Variants in PRKAR1A observed in about 807,000 individuals in gnomAD.
PRKAR1A encodes cAMP-dependent protein kinase type I-alpha regulatory subunit.
Under a neutral mutation model 52.0 loss-of-function variants are expected in PRKAR1A, and 3 were observed. The observed-to-expected ratio is 0.06, with a 90% CI of 0.03 to 0.15. PRKAR1A has a LOEUF of 0.15. Among genes scored for constraint, PRKAR1A ranks in the 10% least tolerant of loss-of-function variants. The probability of loss-of-function intolerance (pLI) is 1.00; values close to 1 mark genes in which losing one functional copy is unlikely to be tolerated. For missense variants in PRKAR1A, 240 were observed against 477.4 expected (o/e 0.50, Z 4.63); for synonymous variants, 188 against 168.4 (o/e 1.12, Z -0.90).
At chr17:68,492,089 G>A in the PRKAR1A span, among the ~76,000 whole-genome samples, 88 of 152,326 alleles carry the variant, frequency 5.8e-4, 1 homozygote, top group African/African-American at 2.1e-3. Context: ...TGCAAAAGCC[G>A]CAGGCACATG....
At position 68,512,432 on chromosome 17, in the gene PRKAR1A, A is replaced by C. The variant is rs922225408; in HGVS notation, c.-123A>C. 2 of 152,890 alleles carry C rather than the reference A, an allele frequency of 1.3e-5. No individual in the cohort carries two copies. The highest frequency in any genetic ancestry group is 6.5e-5 in the Admixed American group (1 of 15,286). 9.5% of individuals were successfully genotyped at this position (152,890 alleles called of 1,614,324 possible). A position where few individuals can be genotyped will look rare whatever the true frequency, so the allele number is the denominator to read the frequency against. On this transcript the variant is annotated 5_prime_UTR_variant, in exon 1 of 11. Coordinates refer to ENST00000589228, the MANE Select transcript of PRKAR1A (RefSeq NM_002734.5). ...GCTGCGGCCAGGCCGTTTCCGGTGG[A>C]GCTGTCGCCTAGCCGCTATCGCAGA...
the PRKAR1A span, among the ~76,000 whole-genome samples, chr17:68,438,720 C>T: frequency 6.6e-6 from 1 of 152,190 alleles, no homozygotes; most frequent in East Asian, 1.9e-4. Context: ...CCTGTCTCAG[C>T]CTGCCAAGTA....
At chr17:68,528,100 G>A (rs1198812809) in intron 8 of PRKAR1A, among the ~76,000 whole-genome samples, 200 bp downstream of exon 8, 1 of 152,186 alleles carries the variant, frequency 6.6e-6, no homozygotes, top group African/African-American at 2.4e-5. Flanking sequence ...CCATCATTGA[G>A]TTGATTGGTT....
At chr17:68,536,243 C>T (rs2086093266), downstream of PRKAR1A, 1 of 454,142 alleles carries the variant, frequency 2.2e-6, no homozygotes, top group Non-Finnish European at 4.4e-6. Flanking sequence ...ATTCTATTCT[C>T]ATGCTTACAG....
At chr17:68,541,918 A>C in intron 11 of PRKAR1A, 2 of 1,530,306 alleles carry the variant, frequency 1.3e-6, no homozygotes, top group Non-Finnish European at 1.8e-6. Context: ...AGCTAGCAAC[A>C]AGTCCCTGGT....
chr17:68,475,953 ATGGCAATGTGATGTTGATTTTT>A, the PRKAR1A span, among the ~76,000 whole-genome samples: 1 of 152,160 alleles, frequency 6.6e-6, no homozygotes, highest in Admixed American at 6.5e-5. Context: ...TGCAGAGAAT[ATGGCAATGTGATGTTGATTTTT>A]TGGGGGGGTT....
In PRKAR1A at chr17:68,532,941, C is replaced by T; in HGVS notation, c.*2492C>T. 9.4e-7 allele frequency: 1 copy of T among 1,065,840 alleles called. No homozygotes were observed. Among genetic ancestry groups the T allele is most frequent in the Non-Finnish European group, 1.1e-6 (1 of 879,668 alleles). The allele number at this position is 1,065,840 out of a possible 1,614,324, so 66.0% of individuals were successfully genotyped here. A position where few individuals can be genotyped will look rare whatever the true frequency, so the allele number is the denominator to read the frequency against. On this transcript the variant is annotated 3_prime_UTR_variant, in exon 11 of 11. Transcript: ENST00000589228. Reference sequence around the variant, plus strand: ...TTTCAGTTTGTCAAAGAGTGGATCTCAAAATCTTGCTTAAAGGGTAATTGA... The same window carrying T: ...TTTCAGTTTGTCAAAGAGTGGATCTTAAAATCTTGCTTAAAGGGTAATTGA...
At chr17:68,479,578 C>G in the PRKAR1A span, among the ~76,000 whole-genome samples, 251 of 152,266 alleles carry the variant, frequency 1.6e-3, 1 homozygote, top group African/African-American at 5.6e-3. Flanking sequence ...TCCTCTATGA[C>G]TCTTAACTTT....
At position 68,543,649 on chromosome 17, in the gene PRKAR1A, G is replaced by A. The variant is rs139591838; in HGVS notation, c.974-7435G>A. ...CCTACCTGTCCAGATGGAAAGCTGC[G>A]ATCTCAGCATTGTGTCTCTGAAAGT... On this transcript the variant is annotated intron_variant, in intron 11 of 11. Coordinates refer to the PRKAR1A transcript ENST00000585981. 1.4e-4 allele frequency: 228 copies of A among 1,614,094 alleles called. No homozygotes were observed. Among genetic ancestry groups the A allele is most frequent in the Non-Finnish European group, 1.8e-4 (216 of 1,180,006 alleles).
intron 11 of PRKAR1A, among the ~76,000 whole-genome samples, chr17:68,550,887 A>G (rs2086804843): frequency 6.6e-6 from 1 of 152,226 alleles, no homozygotes; most frequent in South Asian, 2.1e-4. Flanking sequence ...GTTGGGACTG[A>G]AACTCTTTAT....
the PRKAR1A span, chr17:68,421,933 G>A: frequency 2.4e-5 from 34 of 1,417,596 alleles, no homozygotes; most frequent in Admixed American, 5.8e-4. Context: ...GCTGGGCACT[G>A]TGGAATTTTT....
chr17:68,430,207 A>G, the PRKAR1A span: 2 of 1,555,766 alleles, frequency 1.3e-6, no homozygotes, highest in South Asian at 2.4e-5. Flanking sequence ...TGCAGGCCCC[A>G]CACGCACCCA....
At chr17:68,472,195 C>G in the PRKAR1A span, among the ~76,000 whole-genome samples, 1 of 152,178 alleles carries the variant, frequency 6.6e-6, no homozygotes, top group Non-Finnish European at 1.5e-5. Context: ...CCACACAACC[C>G]CTTTCTTCTG....
At chr17:68,426,226 G>A in the PRKAR1A span, 11 of 1,246,688 alleles carry the variant, frequency 8.8e-6, no homozygotes, top group Non-Finnish European at 1.2e-5. Flanking sequence ...CTGCTTTTAT[G>A]CCATGACCTG....
the PRKAR1A span, among the ~76,000 whole-genome samples, chr17:68,415,643 G>T: frequency 1.3e-5 from 2 of 152,092 alleles, no homozygotes; most frequent in South Asian, 4.1e-4. Context: ...CTATTATTGT[G>T]TTGCCGTCTA....
At chr17:68,484,806 G>C in the PRKAR1A span, among the ~76,000 whole-genome samples, 577 of 152,308 alleles carry the variant, frequency 3.8e-3, 6 homozygotes, top group African/African-American at 0.013. Flanking sequence ...TGAGGGTGAA[G>C]TCTCAGATTC....
At chr17:68,431,653 T>C in the PRKAR1A span, among the ~76,000 whole-genome samples, 1 of 152,070 alleles carries the variant, frequency 6.6e-6, no homozygotes, top group Non-Finnish European at 1.5e-5. Flanking sequence ...AATGTAAGAG[T>C]AACGGCTGGA....
the PRKAR1A span, among the ~76,000 whole-genome samples, chr17:68,464,650 T>C: frequency 1.4e-4 from 21 of 149,872 alleles, no homozygotes; most frequent in African/African-American, 5.2e-4. Flanking sequence ...CGCCGCACAC[T>C]GTACTCCTGC....
chr17:68,513,978 A>G (rs531853763), intron 1 of PRKAR1A, among the ~76,000 whole-genome samples: 1 of 152,198 alleles, frequency 6.6e-6, no homozygotes, highest in African/African-American at 2.4e-5. Context: ...AATGCAGACA[A>G]TTCTACTGAA....
Sources: allele counts gnomAD v4.1 joint callset (sites outside exome capture counted in the v4.1 genomes callset), GRCh38; gene constraint gnomAD v4.1.1; transcripts MANE v1.5; gene names NCBI Gene and HGNC (gene_info 2026-07-23, HGNC 2026-07-21).